Variants in SORBS2 observed in about 807,000 individuals in gnomAD.
The protein encoded by SORBS2 is sorbin and SH3 domain containing 2, also known as sorbin and SH3 domain-containing protein 2.
SORBS2 carries 46 observed loss-of-function variants against 97.7 expected under a neutral mutation model. That is an observed-to-expected ratio of 0.47 (90% confidence interval 0.37 to 0.60). The LOEUF (loss-of-function observed/expected upper bound fraction) is 0.60, where lower values mean the gene tolerates loss of function less well. Ranked by LOEUF, SORBS2 falls within the 20% of genes least tolerant of loss-of-function variation. SORBS2 has a pLI of 0.00. For synonymous variants in SORBS2, 476 were observed against 473.4 expected (o/e 1.01, Z -0.07); for missense variants, 1,316 against 1,282.3 (o/e 1.03, Z -0.40).
At chr4:185,822,536 G>A (rs2099197390) in intron 1 of SORBS2, among the ~76,000 whole-genome samples, 2 of 152,222 alleles carry the variant, frequency 1.3e-5, no homozygotes, top group African/African-American at 2.4e-5. Flanking sequence ...CATTGTTTCT[G>A]GGATATTAGA....
At chr4:185,759,258 T>C (rs1244015084) in intron 2 of SORBS2, among the ~76,000 whole-genome samples, 1 of 152,210 alleles carries the variant, frequency 6.6e-6, no homozygotes, top group Non-Finnish European at 1.5e-5. Context: ...TAAAAATGAT[T>C]TCTGCCCAAT....
intron 2 of SORBS2, among the ~76,000 whole-genome samples, chr4:185,679,843 A>G (rs549169645): frequency 3.3e-5 from 5 of 152,336 alleles, no homozygotes; most frequent in African/African-American, 1.2e-4. Context: ...TTTCAAGTTT[A>G]AACACATGAA....
chr4:185,697,502 C>G (rs1221014120), intron 2 of SORBS2, among the ~76,000 whole-genome samples: 1 of 152,090 alleles, frequency 6.6e-6, no homozygotes, highest in Non-Finnish European at 1.5e-5. Context: ...AAGAGAAAAC[C>G]TAAGAAAATA....
At chr4:185,920,968 T>C (rs900720609) in intron 1 of SORBS2, among the ~76,000 whole-genome samples, 3 of 152,148 alleles carry the variant, frequency 2.0e-5, no homozygotes, top group African/African-American at 7.2e-5. Flanking sequence ...GAGTAGCGAA[T>C]AGGAAAGGAA....
chr4:185,649,218 G>T (rs539952302), intron 3 of SORBS2, among the ~76,000 whole-genome samples: 2 of 152,244 alleles, frequency 1.3e-5, no homozygotes, highest in Non-Finnish European at 2.9e-5. Flanking sequence ...TGTATGTATT[G>T]ATCAAAAAGC....
Position 185,684,745 on chromosome 4 carries a change from A to T in SORBS2, c.-197-5923T>A. On this transcript the variant is annotated intron_variant, in intron 2 of 20. Transcript: ENST00000284776. This position sits in a 1 kb window ranked among gnomAD's most constrained non-coding sequence, Gnocchi z 4.2. ...AAGTGCGACATTGTGTGAGTTAGTG[A>T]TATTATACCTGCAGCCAATAGGTTT... 1 of 1,539,526 alleles carries T rather than the reference A, an allele frequency of 6.5e-7. No homozygotes were observed. Among genetic ancestry groups the T allele is most frequent in the African/African-American group, 1.4e-5 (1 of 72,928 alleles).
At chr4:185,657,292 A>C (rs1247563886), upstream of SORBS2, 1 of 733,346 alleles carries the variant, frequency 1.4e-6, no homozygotes. Context: ...CATAACATTC[A>C]TGAGAAGTCG....
intron 1 of SORBS2, among the ~76,000 whole-genome samples, chr4:185,809,824 A>G (rs557736356): frequency 6.6e-6 from 1 of 152,354 alleles, no homozygotes; most frequent in East Asian, 1.9e-4. Context: ...CAACAGGCAC[A>G]GCAGTCGGGT....
At chr4:185,856,855 TCA>T (rs1425215616) in intron 1 of SORBS2, among the ~76,000 whole-genome samples, 1 of 152,132 alleles carries the variant, frequency 6.6e-6, no homozygotes, top group Non-Finnish European at 1.5e-5. Flanking sequence ...AAGGCACATC[TCA>T]CAAGGTGGCA....
chr4:185,623,723 G>GC lies in SORBS2; in HGVS notation c.1405dup (p.Ala469GlyfsTer10). On this transcript the variant is annotated frameshift_variant, in exon 7 of 15. Coordinates refer to ENST00000418609, the Ensembl canonical transcript of SORBS2. LOFTEE classifies it high-confidence loss of function. This position sits in a 1 kb window ranked among gnomAD's most constrained non-coding sequence, Gnocchi z 6.4. ...AGACTGGCAGCCTCGCCGGCCCCGA[G>GC]CGGGGGGGCCGCTTTGATTTTCTTC... The GC allele has an allele frequency of 6.2e-7, 1 of 1,613,968 alleles. No individual in the cohort carries two copies. The highest frequency in any genetic ancestry group is 8.5e-7 in the Non-Finnish European group (1 of 1,180,020).
intron 2 of SORBS2, among the ~76,000 whole-genome samples, chr4:185,723,890 C>T (rs979764720): frequency 1.3e-5 from 2 of 152,164 alleles, no homozygotes; most frequent in Non-Finnish European, 2.9e-5. Flanking sequence ...GTGGCAGCTA[C>T]ATATTTTCAA....
At chr4:185,775,776 G>T (rs1271116989) in intron 1 of SORBS2, 1 of 152,122 alleles carries the variant, frequency 6.6e-6, no homozygotes, top group African/African-American at 2.4e-5. Flanking sequence ...TTTCCTAGGG[G>T]GTCTTAAGAA....
chr4:185,897,660 T>G (rs998918612), intron 1 of SORBS2, among the ~76,000 whole-genome samples: 6 of 152,156 alleles, frequency 3.9e-5, no homozygotes, highest in Admixed American at 1.3e-4. Context: ...GAAACAGGTA[T>G]GCTCCACAGC....
At chr4:185,802,391 A>C (rs141504462) in intron 1 of SORBS2, among the ~76,000 whole-genome samples, 133 of 152,294 alleles carry the variant, frequency 8.7e-4, no homozygotes, top group African/African-American at 3.0e-3. Context: ...AATTATATGA[A>C]AATGCAAGTA....
At chr4:185,742,387 A>G (rs144281429) in intron 2 of SORBS2, among the ~76,000 whole-genome samples, 1 of 152,330 alleles carries the variant, frequency 6.6e-6, no homozygotes, top group African/African-American at 2.4e-5. Flanking sequence ...ACAAGATGGG[A>G]ATAATAAGGC....
At chr4:185,888,585 A>T (rs146610787) in intron 1 of SORBS2, among the ~76,000 whole-genome samples, 7 of 152,254 alleles carry the variant, frequency 4.6e-5, no homozygotes, top group Non-Finnish European at 1.0e-4. Context: ...CAGCAACCAT[A>T]TGAAACAAAT....
intron 1 of SORBS2, among the ~76,000 whole-genome samples, chr4:185,939,828 G>A (rs1017660897): frequency 1.3e-5 from 2 of 151,956 alleles, no homozygotes; most frequent in East Asian, 1.9e-4. Flanking sequence ...CTTTCTTAAC[G>A]CCCATCCACT....
At chr4:185,612,435 A>G in intron 11 of SORBS2, among the ~76,000 whole-genome samples, 1 of 152,074 alleles carries the variant, frequency 6.6e-6, no homozygotes, top group East Asian at 1.9e-4. Flanking sequence ...GGGTTACAGA[A>G]AACACCTCTA....
chr4:185,818,758 G>A (rs894249263), intron 1 of SORBS2, among the ~76,000 whole-genome samples: 10 of 151,682 alleles, frequency 6.6e-5, no homozygotes, highest in East Asian at 2.0e-4. Flanking sequence ...CCCAGGAGGC[G>A]GAGGTTGCAG....
Sources: gnomAD v4.1 joint callset for allele counts (sites outside exome capture counted in the v4.1 genomes callset) on GRCh38, gnomAD v4.1.1 for gene constraint, Gnocchi (gnomAD v3.1) non-coding constraint, MANE v1.5 for transcripts, NCBI Gene and HGNC (gene_info 2026-07-23, HGNC 2026-07-21) for gene names.